The following SDK1 variants were observed in gnomAD, a reference collection of about 807,000 sequenced individuals.
SDK1 encodes protein sidekick-1.
SDK1 carries 157 observed loss-of-function variants against 245.5 expected under a neutral mutation model. The observed-to-expected ratio is 0.64, with a 90% CI of 0.56 to 0.73. The LOEUF is 0.73. SDK1 is among the 30% of genes least tolerant of loss of function. The probability of loss-of-function intolerance (pLI) is 0.00; values close to 1 mark genes in which losing one functional copy is unlikely to be tolerated. For missense variants in SDK1, 3,583 were observed against 3,002.3 expected (o/e 1.19, Z -4.52); for synonymous variants, 1,647 against 1,278.5 (o/e 1.29, Z -6.15).
chr7:4,252,820 C>T (rs1422132979), intron 44 of SDK1, among the ~76,000 whole-genome samples: 1 of 113,974 alleles, frequency 8.8e-6, no homozygotes, highest in Non-Finnish European at 1.7e-5. Flanking sequence ...AGATTTATTC[C>T]GTTTCCCCCC....
At chr7:4,202,640 C>T (rs1783957596) in intron 35 of SDK1, among the ~76,000 whole-genome samples, 1 of 152,198 alleles carries the variant, frequency 6.6e-6, no homozygotes. Context: ...AATGAGTGGG[C>T]GGAGGCTGAA....
At chr7:4,143,684 C>T (rs1050346576) in intron 28 of SDK1, among the ~76,000 whole-genome samples, 1 of 152,198 alleles carries the variant, frequency 6.6e-6, no homozygotes, top group African/African-American at 2.4e-5. Context: ...TGGTTCCGAG[C>T]AACGGGGACC....
At chr7:3,934,305 T>G (rs1434095970) in intron 5 of SDK1, among the ~76,000 whole-genome samples, 1 of 152,246 alleles carries the variant, frequency 6.6e-6, no homozygotes, top group East Asian at 1.9e-4. Flanking sequence ...TCAAACCATT[T>G]GTTAAGACAA....
chr7:3,487,589 A>G (rs1043100248), intron 1 of SDK1, among the ~76,000 whole-genome samples: 1 of 151,766 alleles, frequency 6.6e-6, no homozygotes, highest in Non-Finnish European at 1.5e-5. Context: ...AAAACAAACA[A>G]ACAAACACCC....
At chr7:3,801,979 A>G (rs1475307536) in intron 4 of SDK1, among the ~76,000 whole-genome samples, 2 of 152,152 alleles carry the variant, frequency 1.3e-5, no homozygotes, top group East Asian at 3.8e-4. Context: ...GAGTAGGGGT[A>G]TTCCTTTTTC....
Position 4,216,794 on chromosome 7 carries a change from C to T in SDK1, c.5540-3315C>T, listed in dbSNP as rs1025613088. 2.6e-5 allele frequency among the ~76,000 whole-genome samples: 4 copies of T among 152,288 alleles called. 1 individual carries two copies. Among genetic ancestry groups the T allele is most frequent in the African/African-American group, 9.6e-5 (4 of 41,564 alleles). On this transcript the variant is annotated intron_variant, in intron 38 of 44. Coordinates refer to ENST00000404826, the MANE Select transcript of SDK1 (RefSeq NM_152744.4). ...TGGGCATTGACCAGTCGGGCCAAGG[C>T]AAATAGAGGGTACAGCATTTACCCG...
intron 19 of SDK1, among the ~76,000 whole-genome samples, chr7:4,067,472 G>A (rs1779979647): frequency 6.6e-6 from 1 of 152,140 alleles, no homozygotes; most frequent in Non-Finnish European, 1.5e-5. Context: ...AGCCAGACAC[G>A]GGGTTGCATA....
At chr7:4,009,762 T>C (rs1785789573) in intron 14 of SDK1, among the ~76,000 whole-genome samples, 3 of 152,240 alleles carry the variant, frequency 2.0e-5, no homozygotes, top group Admixed American at 2.0e-4. Context: ...TCTGAATTAG[T>C]GATAGACACC....
chr7:4,077,767 G>A (rs908778451), intron 21 of SDK1, among the ~76,000 whole-genome samples: 1 of 152,108 alleles, frequency 6.6e-6, no homozygotes, highest in African/African-American at 2.4e-5. Flanking sequence ...GAACAGCACA[G>A]GAAAGACCTG....
rs189506002 is a variant in SDK1, at chr7:3,836,644, A to C, written c.847+15061A>C. Among the ~76,000 whole-genome samples, 364 of 152,350 alleles carry C rather than the reference A, an allele frequency of 2.4e-3. 6 individuals carry two copies. The highest frequency in any genetic ancestry group is 0.022 in the Admixed American group (339 of 15,298). ...CTCCAAATGGGAAGTTTTCTAACACAAACACCCAACTTAAGAACAAAGAGG... is the reference window on the plus strand; with the variant it reads ...CTCCAAATGGGAAGTTTTCTAACACCAACACCCAACTTAAGAACAAAGAGG... On this transcript the variant is annotated intron_variant, in intron 5 of 44. Coordinates refer to ENST00000404826, the MANE Select transcript of SDK1 (RefSeq NM_152744.4).
chr7:3,530,814 A>T (rs1441143580), intron 1 of SDK1, among the ~76,000 whole-genome samples: 2 of 152,238 alleles, frequency 1.3e-5, no homozygotes, highest in African/African-American at 4.8e-5. Flanking sequence ...CATCTGTGAA[A>T]CAATTTGTGT....
intron 15 of SDK1, 151 bp downstream of exon 15, chr7:4,011,264 C>T: frequency 4.9e-6 from 5 of 1,021,656 alleles, no homozygotes; most frequent in Non-Finnish European, 7.0e-6. Context: ...AAGCCTGTCG[C>T]AAAGAGGGAA....
chr7:3,724,789 A>G lies in SDK1; in HGVS notation c.713+82684A>G, dbSNP rs1400082560. On this transcript the variant is annotated intron_variant, in intron 4 of 44. Coordinates refer to ENST00000404826, the MANE Select transcript of SDK1 (RefSeq NM_152744.4). Reference sequence around the variant, plus strand: ...GGAAAAAGGAATGAGGAGGGAGCCCACCTACCTCTTACAACCCTGGACTGG... The same window carrying G: ...GGAAAAAGGAATGAGGAGGGAGCCCGCCTACCTCTTACAACCCTGGACTGG... Among the ~76,000 whole-genome samples the G allele has an allele frequency of 8.5e-5, 13 of 152,216 alleles. No homozygotes were observed. In the South Asian group the frequency reaches 2.5e-3, roughly 29 times the overall value.
chr7:3,623,987 G>C (rs537130257), intron 2 of SDK1, among the ~76,000 whole-genome samples: 1 of 152,186 alleles, frequency 6.6e-6, no homozygotes, highest in East Asian at 1.9e-4. Context: ...TTATAAAAAG[G>C]CAAACATTTC....
intron 1 of SDK1, among the ~76,000 whole-genome samples, chr7:3,516,343 C>T (rs535906463): frequency 6.6e-5 from 10 of 152,150 alleles, no homozygotes; most frequent in Admixed American, 5.9e-4. Context: ...CCAGGAATGG[C>T]AGCTACCTAT....
chr7:4,002,584 C>G (rs1374711184), intron 14 of SDK1, among the ~76,000 whole-genome samples: 1 of 152,182 alleles, frequency 6.6e-6, no homozygotes, highest in Non-Finnish European at 1.5e-5. Context: ...CATTTCAGTT[C>G]CTTCCCATAC....
At chr7:3,329,261 CT>C (rs1191132873) in intron 1 of SDK1, among the ~76,000 whole-genome samples, 1 of 152,136 alleles carries the variant, frequency 6.6e-6, no homozygotes. Flanking sequence ...ATGAGGCACT[CT>C]TTGATGACTC....
intron 20 of SDK1, among the ~76,000 whole-genome samples, chr7:4,073,274 G>A (rs1010948149): frequency 3.3e-5 from 5 of 152,180 alleles, no homozygotes; most frequent in Admixed American, 2.0e-4. Context: ...ATTAGGGGAC[G>A]TCTTTCCCAC....
chr7:3,544,286 C>T (rs926427098), intron 1 of SDK1, among the ~76,000 whole-genome samples: 1 of 152,336 alleles, frequency 6.6e-6, no homozygotes, highest in South Asian at 2.1e-4. Flanking sequence ...AGACATTTTC[C>T]CTTTGCAAGT....
Sources: allele counts gnomAD v4.1 joint callset (sites outside exome capture counted in the v4.1 genomes callset), GRCh38; gene constraint gnomAD v4.1.1; transcripts MANE v1.5; gene names NCBI Gene and HGNC (gene_info 2026-07-23, HGNC 2026-07-21).